EGF: variants seen among roughly 807,000 people sequenced by gnomAD.
EGF encodes pro-epidermal growth factor.
Under a neutral mutation model 143.8 loss-of-function variants are expected in EGF, and 95 were observed. That is an observed-to-expected ratio of 0.66 (90% CI 0.56 to 0.78). The LOEUF is 0.78. Ranked by LOEUF, EGF falls within the 30% of genes least tolerant of loss-of-function variation. EGF has a pLI of 0.00. For synonymous variants in EGF, 510 were observed against 510.5 expected (o/e 1.00, Z 0.01); for missense variants, 1,320 against 1,470.9 (o/e 0.90, Z 1.68).
chr4:109,970,974 T>A (rs368778080), intron 11 of EGF, among the ~76,000 whole-genome samples: 3 of 152,212 alleles, frequency 2.0e-5, no homozygotes, highest in African/African-American at 4.8e-5. Context: ...CATTTCTTTA[T>A]TATTTGAGTA....
At chr4:109,934,414 T>C (rs1451967730) in intron 1 of EGF, among the ~76,000 whole-genome samples, 1 of 152,160 alleles carries the variant, frequency 6.6e-6, no homozygotes, top group Admixed American at 6.5e-5. Context: ...GGTTGTTTGG[T>C]TTTTTCTTGT....
intron 1 of EGF, among the ~76,000 whole-genome samples, chr4:109,933,291 G>T (rs892071555): frequency 3.3e-5 from 5 of 152,196 alleles, no homozygotes; most frequent in Non-Finnish European, 1.5e-5. Context: ...TGTCTGCATA[G>T]CGGGGCTTGT....
At chr4:109,932,129 C>T (rs1416711404) in intron 1 of EGF, among the ~76,000 whole-genome samples, 4 of 151,538 alleles carry the variant, frequency 2.6e-5, no homozygotes, top group Admixed American at 6.6e-5. Context: ...ATTGACTAGA[C>T]CCATCTTTTA....
chr4:109,989,814 C>T (rs563105849), intron 18 of EGF, among the ~76,000 whole-genome samples: 17 of 152,246 alleles, frequency 1.1e-4, no homozygotes, highest in Admixed American at 2.6e-4. Flanking sequence ...CTTCCAGTAT[C>T]GAGCACGCAA....
At chr4:109,919,861 AG>A (rs1659091249) in intron 1 of EGF, among the ~76,000 whole-genome samples, 1 of 151,684 alleles carries the variant, frequency 6.6e-6, no homozygotes, top group Admixed American at 6.5e-5. Context: ...ACTATAAAAA[AG>A]AAATGTGCCC....
intron 18 of EGF, among the ~76,000 whole-genome samples, chr4:109,991,877 G>T (rs1189138821): frequency 1.3e-5 from 2 of 152,100 alleles, no homozygotes; most frequent in Admixed American, 1.3e-4. Flanking sequence ...ATGGGGCTGG[G>T]TGTGGTGGCT....
intron 5 of EGF, among the ~76,000 whole-genome samples, chr4:109,946,227 T>A (rs1356525341): frequency 6.6e-6 from 1 of 152,224 alleles, no homozygotes; most frequent in African/African-American, 2.4e-5. Flanking sequence ...GCCACTCAAC[T>A]GATCCTTCTG....
chr4:109,965,742 A>G (rs1024342895), intron 10 of EGF, among the ~76,000 whole-genome samples: 5 of 152,126 alleles, frequency 3.3e-5, no homozygotes, highest in African/African-American at 1.2e-4. Context: ...GCAGTCCTCC[A>G]GGTTCCACCC....
chr4:110,002,979 A>G (rs527391242), intron 21 of EGF, among the ~76,000 whole-genome samples: 3 of 152,304 alleles, frequency 2.0e-5, no homozygotes, highest in Non-Finnish European at 4.4e-5. Context: ...CCATGTTCCT[A>G]CAAAAGACAT....
chr4:110,006,580 G>A (rs181946874), intron 22 of EGF, among the ~76,000 whole-genome samples: 22 of 152,258 alleles, frequency 1.4e-4, no homozygotes, highest in African/African-American at 5.1e-4. Flanking sequence ...ATGACTTTGC[G>A]AACTTCTAAA....
rs191918764 is a variant in EGF, at chr4:109,970,703, T to C, written c.1724+1584T>C. Among the ~76,000 whole-genome samples the C allele has an allele frequency of 4.9e-4, 74 of 151,758 alleles. No individual in the cohort carries two copies. In the East Asian group the frequency reaches 0.013, roughly 27 times the overall value. ...TAGCCGGGCGGGTGGTGGGCGCCTG[T>C]AGTCCCAGCTACTCAGGAGGCTGAG... On this transcript the variant is annotated intron_variant, in intron 11 of 23. Coordinates refer to ENST00000265171, the MANE Select transcript of EGF (RefSeq NM_001963.6).
chr4:110,011,214 C>T lies in EGF; in HGVS notation c.3383C>T (p.Pro1128Leu). Residue 1128 changes from proline (P) to leucine (L), a missense_variant, in exon 24 of 24, where the codon CCA (proline) becomes CTA (leucine). Pro to Leu is a moderately conservative substitution (Grantham distance 98, BLOSUM62 -3). Around this residue, in one of 5 missense-constraint regions of EGF, gnomAD observed 1,186 missense variants for 1,313.7 expected, o/e 0.90. Coordinates refer to ENST00000265171, the MANE Select transcript of EGF (RefSeq NM_001963.6). ...GTCTTTCATATAGGGTCAATGCAACCAACTTCATGGAGGCAGGAGCCCCAG... is the reference window on the plus strand; with the variant it reads ...GTCTTTCATATAGGGTCAATGCAACTAACTTCATGGAGGCAGGAGCCCCAG... Reference protein sequence around the residue: ...DGQAADGSMQPTSWRQEPQLC... With the variant: ...DGQAADGSMQLTSWRQEPQLC... 1 of 1,613,780 alleles carries T rather than the reference C, an allele frequency of 6.2e-7. No homozygotes were observed.
rs575481534 is a variant in EGF at position 109,934,000 on chromosome 4, T to C, written c.128-6946T>C. On this transcript the variant is annotated intron_variant, in intron 1 of 23. Transcript: ENST00000265171. ...CTAGATCCTTGAGGAATTGCCCCACTGTCTTCCACAATGGTTGAACTAATT... is the reference window on the plus strand; with the variant it reads ...CTAGATCCTTGAGGAATTGCCCCACCGTCTTCCACAATGGTTGAACTAATT... Among the ~76,000 whole-genome samples, 10 of 152,348 alleles carry C rather than the reference T, an allele frequency of 6.6e-5. No individual in the cohort carries two copies. The South Asian group carries it at 2.1e-3, about 32-fold the overall frequency.
At chr4:109,963,016 G>A (rs375709632) in intron 8 of EGF, among the ~76,000 whole-genome samples, 157 bp from the exon 9 acceptor site, 2 of 150,076 alleles carry the variant, frequency 1.3e-5, no homozygotes, top group African/African-American at 2.5e-5. Flanking sequence ...GCAATGAGCC[G>A]AGAGTGCCAT....
chr4:109,990,291 A>G (rs750666439), intron 18 of EGF, among the ~76,000 whole-genome samples: 1 of 152,242 alleles, frequency 6.6e-6, no homozygotes, highest in Non-Finnish European at 1.5e-5. Flanking sequence ...AAGAAATATA[A>G]CTGTGATCAG....
chr4:109,959,926 A>C (rs902637585), intron 6 of EGF, among the ~76,000 whole-genome samples: 3 of 152,214 alleles, frequency 2.0e-5, no homozygotes, highest in Non-Finnish European at 4.4e-5. Flanking sequence ...GACCAAGTGC[A>C]ACGAACTCAG....
chr4:109,982,211 G>A (rs904547815), intron 15 of EGF, among the ~76,000 whole-genome samples: 1 of 151,780 alleles, frequency 6.6e-6, no homozygotes, highest in African/African-American at 2.4e-5. Flanking sequence ...GTCATGCTAT[G>A]TTGCCTAGGC....
chr4:109,996,038 T>C (rs1426004014), intron 20 of EGF, among the ~76,000 whole-genome samples: 1 of 152,218 alleles, frequency 6.6e-6, no homozygotes, highest in East Asian at 1.9e-4. Context: ...CTAGTTTTAA[T>C]GTTAAGAATC....
At chr4:109,973,272 G>A (rs550993874) in intron 11 of EGF, among the ~76,000 whole-genome samples, 21 of 152,100 alleles carry the variant, frequency 1.4e-4, no homozygotes, top group Middle Eastern at 3.4e-3. Context: ...TGCCTGCCTC[G>A]CCCTTTCACA....
Sources: gnomAD v4.1 joint callset for allele counts (sites outside exome capture counted in the v4.1 genomes callset) on GRCh38, gnomAD v4.1.1 for gene constraint, gnomAD v4.1.1 regional missense constraint, MANE v1.5 for transcripts, NCBI Gene and HGNC (gene_info 2026-07-23, HGNC 2026-07-21) for gene names.